The following SRPK1 variants were observed in gnomAD, a reference collection of about 807,000 sequenced individuals.
SRPK1 encodes SFRS protein kinase 1.
In SRPK1, 52 loss-of-function variants were observed where a neutral mutation model predicts 89.5. The ratio of observed to expected loss-of-function variants is 0.58; its 90% CI spans 0.46 to 0.73. The LOEUF is 0.73. Ranked by LOEUF, SRPK1 falls within the 30% of genes least tolerant of loss-of-function variation. The pLI is 0.00. For synonymous variants in SRPK1, 255 were observed against 270.2 expected, an observed-to-expected ratio of 0.94 and a Z score of 0.55; for missense variants, 603 against 780.6, an observed-to-expected ratio of 0.77 and a Z score of 2.71.
At chr6:35,913,907 A>G (rs917657645) in intron 2 of SRPK1, among the ~76,000 whole-genome samples, 1 of 151,900 alleles carries the variant, frequency 6.6e-6, no homozygotes, top group Non-Finnish European at 1.5e-5. Flanking sequence ...TATAAGTGAC[A>G]TCTGAAGGAC....
intron 14 of SRPK1, among the ~76,000 whole-genome samples, chr6:35,839,648 T>C (rs553925005): frequency 1.9e-4 from 29 of 151,680 alleles, no homozygotes; most frequent in Admixed American, 5.3e-4. Context: ...CCTTTTTTTT[T>C]TCTCTCTGCA....
chr6:35,838,873 G>A (rs1769241090), intron 14 of SRPK1: 4 of 1,308,724 alleles, frequency 3.1e-6, no homozygotes, highest in Non-Finnish European at 4.0e-6. Context: ...GCTTTTTCAA[G>A]GACTAGCTGT....
intron 2 of SRPK1, among the ~76,000 whole-genome samples, chr6:35,915,039 C>A (rs984144324): frequency 6.6e-6 from 1 of 152,092 alleles, no homozygotes; most frequent in Non-Finnish European, 1.5e-5. Flanking sequence ...CAAGTGATCC[C>A]CCTGCCTCAG....
intron 6 of SRPK1, among the ~76,000 whole-genome samples, chr6:35,885,203 A>T (rs749151299): frequency 8.7e-5 from 13 of 149,132 alleles, no homozygotes; most frequent in Non-Finnish European, 1.6e-4. Context: ...TATGGCCATC[A>T]CGACACCCTG....
intron 6 of SRPK1, among the ~76,000 whole-genome samples, chr6:35,880,761 G>GAAAAA (rs1476505502): frequency 2.1e-5 from 1 of 47,314 alleles, no homozygotes; most frequent in Non-Finnish European, 4.0e-5. Flanking sequence ...GAAAAGAAAA[G>GAAAAA]AAGAAGAAAT....
chr6:35,839,931 G>A (rs1350290109), intron 14 of SRPK1, among the ~76,000 whole-genome samples: 1 of 151,854 alleles, frequency 6.6e-6, no homozygotes, highest in Non-Finnish European at 1.5e-5. Flanking sequence ...TGCCGCCTTG[G>A]CCTCCCAAAA....
chr6:35,848,294 C>T (rs761176000), intron 13 of SRPK1, among the ~76,000 whole-genome samples: 20 of 152,178 alleles, frequency 1.3e-4, no homozygotes, highest in Admixed American at 2.6e-4. Flanking sequence ...TGGTGGCTCA[C>T]GCCTGTAATC....
chr6:35,849,625 A>G (rs970398722), intron 13 of SRPK1, among the ~76,000 whole-genome samples: 5 of 152,234 alleles, frequency 3.3e-5, no homozygotes, highest in African/African-American at 9.6e-5. Context: ...GAGTCTATAC[A>G]GATCAGATAA....
chr6:35,851,428 C>T lies in SRPK1; in HGVS notation c.1620+5833G>A, dbSNP rs773299135. ...ATATCAGGTGATCCACCCACCTCAG[C>T]CTCCCAAAGTGCTGAGATTACAGGC... On this transcript the variant is annotated intron_variant, in intron 13 of 15. Transcript: ENST00000373825. Among the ~76,000 whole-genome samples the T allele has an allele frequency of 5.1e-4, 78 of 152,100 alleles. 2 individuals are homozygous for T. Among genetic ancestry groups the T allele is most frequent in the Non-Finnish European group, 1.5e-4 (10 of 68,030 alleles).
At chr6:35,870,792 T>C in intron 9 of SRPK1, 142 bp downstream of exon 9, 1 of 759,654 alleles carries the variant, frequency 1.3e-6, no homozygotes, top group Non-Finnish European at 2.1e-6. Flanking sequence ...CATGGGAATT[T>C]ACTGGAGAAA....
At chr6:35,873,045 T>C (rs1770068522) in intron 7 of SRPK1, among the ~76,000 whole-genome samples, 1 of 152,230 alleles carries the variant, frequency 6.6e-6, no homozygotes, top group Non-Finnish European at 1.5e-5. Context: ...TGTTGTAATG[T>C]AGGTGCTGAC....
chr6:35,920,398 A>C (rs1290398115), intron 2 of SRPK1, 70 bp downstream of exon 2: 1 of 1,568,168 alleles, frequency 6.4e-7, no homozygotes, highest in African/African-American at 1.4e-5. Context: ...CACGTTCAAG[A>C]CGTGAAACCA....
At chr6:35,914,617 TATTTA>T (rs1261729504) in intron 2 of SRPK1, among the ~76,000 whole-genome samples, 1 of 152,198 alleles carries the variant, frequency 6.6e-6, no homozygotes, top group Admixed American at 6.6e-5. Context: ...CCTAATATAC[TATTTA>T]ATTTACTTAT....
chr6:35,851,288 C>A (rs1427580298), intron 13 of SRPK1, among the ~76,000 whole-genome samples: 1 of 151,784 alleles, frequency 6.6e-6, no homozygotes, highest in African/African-American at 2.4e-5. Flanking sequence ...GATTCTCGTG[C>A]CTCAGCCTCC....
intron 12 of SRPK1, among the ~76,000 whole-genome samples, chr6:35,863,267 T>C (rs1158463837): frequency 6.6e-6 from 1 of 151,826 alleles, no homozygotes; most frequent in African/African-American, 2.4e-5. Context: ...ACAGGTCCTC[T>C]GAAATATTCT....
At position 35,869,488 on chromosome 6, in the gene SRPK1, T is replaced by C. The variant is rs373801550; in HGVS notation, c.1405A>G (p.Asn469Asp). 6.2e-7 allele frequency: 1 copy of C among 1,612,512 alleles called. No individual in the cohort carries two copies. The highest frequency in any genetic ancestry group is 8.5e-7 in the Non-Finnish European group (1 of 1,178,718). The part of the protein sequence containing the change: ...QEQEHNGPLD[N>D]KGKSTAGNFL... ...AGTATAGCTGCATAGGTACCTTTGT[T>C]GTCCAGTGGTCCGTTATGTTCTTGC... is the stretch of plus-strand genomic sequence containing the variant. Residue 469 changes from asparagine (N) to aspartate (D), a missense_variant, in exon 11 of 16, where the codon AAC (asparagine) becomes GAC (aspartate). By Grantham distance (23) the Asn-to-Asp change is conservative. Transcript: ENST00000373825.
At chr6:35,861,157 G>A (rs1376713166) in intron 12 of SRPK1, among the ~76,000 whole-genome samples, 1 of 152,204 alleles carries the variant, frequency 6.6e-6, no homozygotes, top group Non-Finnish European at 1.5e-5. Flanking sequence ...GTCCAGGAAG[G>A]AATGCTAAGA....
chr6:35,852,863 G>A (rs1296894328), intron 13 of SRPK1, among the ~76,000 whole-genome samples: 1 of 152,114 alleles, frequency 6.6e-6, no homozygotes, highest in Non-Finnish European at 1.5e-5. Context: ...TCAGCCCTGG[G>A]TGTCTGCAGG....
At chr6:35,870,254 G>GT in intron 10 of SRPK1, 27 bp downstream of exon 10, 2 of 1,590,218 alleles carry the variant, frequency 1.3e-6, no homozygotes, top group Non-Finnish European at 8.6e-7. Flanking sequence ...GTGTTGTACA[G>GT]TAATTTTCGT....
Sources: allele counts gnomAD v4.1 joint callset (sites outside exome capture counted in the v4.1 genomes callset), GRCh38; gene constraint gnomAD v4.1.1; transcripts MANE v1.5; gene names NCBI Gene and HGNC (gene_info 2026-07-23, HGNC 2026-07-21).